FSTL4: variants seen among roughly 807,000 people sequenced by gnomAD.
FSTL4 encodes follistatin-related protein 4.
FSTL4 carries 28 observed loss-of-function variants against 78.2 expected under a neutral mutation model. That is an observed-to-expected ratio of 0.36 (90% CI 0.27 to 0.49). FSTL4 has a LOEUF of 0.49. FSTL4 is among the 20% of genes least tolerant of loss of function. FSTL4 has a pLI of 0.98. For missense variants in FSTL4, 922 were observed against 1,084.9 expected (o/e 0.85, Z 2.11); for synonymous variants, 422 against 440.5 (o/e 0.96, Z 0.53).
At chr5:133,519,570 C>G (rs575390486) in intron 3 of FSTL4, among the ~76,000 whole-genome samples, 4 of 152,210 alleles carry the variant, frequency 2.6e-5, no homozygotes, top group Non-Finnish European at 4.4e-5. Context: ...GATTTCAACA[C>G]GTCAGCCTTT....
At chr5:133,557,275 C>T (rs1759810169) in intron 3 of FSTL4, among the ~76,000 whole-genome samples, 1 of 152,228 alleles carries the variant, frequency 6.6e-6, no homozygotes, top group Admixed American at 6.5e-5. Context: ...GAGCACCTCC[C>T]CCCTGAAACG....
At chr5:133,405,676 T>G (rs751993645) in intron 3 of FSTL4, among the ~76,000 whole-genome samples, 11 of 152,220 alleles carry the variant, frequency 7.2e-5, no homozygotes, top group Admixed American at 1.3e-4. Context: ...TTAAGATAAC[T>G]TATACCCTCA....
the FSTL4 span, among the ~76,000 whole-genome samples, chr5:133,689,789 C>T: frequency 3.9e-5 from 6 of 152,302 alleles, no homozygotes; most frequent in African/African-American, 1.2e-4. Flanking sequence ...AGGCCAGGCA[C>T]GGTGGCTCAC....
chr5:133,669,529 G>A, the FSTL4 span, among the ~76,000 whole-genome samples: 3 of 152,106 alleles, frequency 2.0e-5, no homozygotes, highest in African/African-American at 7.3e-5. Flanking sequence ...GGGCTGAAGT[G>A]TGCCCTGCCC....
At chr5:133,470,866 A>G (rs31343) in intron 3 of FSTL4, among the ~76,000 whole-genome samples, 11,705 of 151,898 alleles carry the variant, frequency 0.077, 566 homozygotes, top group Non-Finnish European at 0.1. Context: ...CAGATGATAA[A>G]GCCAAGAGAA....
At chr5:133,527,472 T>TACAC (rs3065527) in intron 3 of FSTL4, among the ~76,000 whole-genome samples, 2,202 of 90,620 alleles carry the variant, frequency 0.024, 17 homozygotes, top group Admixed American at 0.027. Flanking sequence ...TGTGCACGTG[T>TACAC]ACACACACAC....
chr5:133,518,212 C>T (rs441430), intron 3 of FSTL4, among the ~76,000 whole-genome samples: 8,079 of 152,096 alleles, frequency 0.053, 289 homozygotes, highest in Non-Finnish European at 0.076. Flanking sequence ...AAAAGACAAA[C>T]GACAAATTGG....
At chr5:133,526,339 G>A (rs1258351071) in intron 3 of FSTL4, among the ~76,000 whole-genome samples, 1 of 152,142 alleles carries the variant, frequency 6.6e-6, no homozygotes, top group African/African-American at 2.4e-5. Context: ...GGGAAAGAAG[G>A]TGAACAGGAG....
At chr5:133,518,953 T>C (rs1432034350) in intron 3 of FSTL4, among the ~76,000 whole-genome samples, 1 of 152,264 alleles carries the variant, frequency 6.6e-6, no homozygotes, top group African/African-American at 2.4e-5. Context: ...AATCTTTGTA[T>C]GTGGTTAGTA....
the FSTL4 span, among the ~76,000 whole-genome samples, chr5:133,689,812 A>G: frequency 5.3e-5 from 8 of 152,188 alleles, no homozygotes; most frequent in African/African-American, 1.9e-4. Context: ...CTGTAATCCC[A>G]GCACTTTGGA....
the FSTL4 span, among the ~76,000 whole-genome samples, chr5:133,715,363 T>C: frequency 6.6e-6 from 1 of 152,236 alleles, no homozygotes; most frequent in Non-Finnish European, 1.5e-5. Flanking sequence ...AGTAGCTTCA[T>C]GTTGATGTCA....
chr5:133,617,846 C>T, the FSTL4 span, among the ~76,000 whole-genome samples: 2 of 152,092 alleles, frequency 1.3e-5, no homozygotes, highest in East Asian at 1.9e-4. Context: ...TAGATGAGGG[C>T]GTGGCATACG....
At chr5:133,606,453 G>T (rs58755594) in intron 1 of FSTL4, among the ~76,000 whole-genome samples, 35,865 of 152,094 alleles carry the variant, frequency 0.24, 4,459 homozygotes, top group Admixed American at 0.33. Flanking sequence ...AATAAACAAG[G>T]TAACTCCCTA....
At chr5:133,565,217 C>T (rs1760001164) in intron 3 of FSTL4, among the ~76,000 whole-genome samples, 1 of 152,176 alleles carries the variant, frequency 6.6e-6, no homozygotes, top group African/African-American at 2.4e-5. Flanking sequence ...CATTGCTAGA[C>T]AATATCTTAC....
At chr5:133,664,771 T>G in the FSTL4 span, among the ~76,000 whole-genome samples, 1 of 152,222 alleles carries the variant, frequency 6.6e-6, no homozygotes, top group African/African-American at 2.4e-5. Flanking sequence ...TTTATTTGCT[T>G]AGATGGATCA....
chr5:133,605,376 T>C (rs1226661801), intron 1 of FSTL4, among the ~76,000 whole-genome samples: 3 of 152,132 alleles, frequency 2.0e-5, no homozygotes, highest in African/African-American at 7.2e-5. Flanking sequence ...AGAACAGACA[T>C]CCAATTCAGA....
At chr5:133,760,144 T>C in the FSTL4 span, among the ~76,000 whole-genome samples, 1 of 152,162 alleles carries the variant, frequency 6.6e-6, no homozygotes, top group African/African-American at 2.4e-5. Context: ...CTGTCGTGAC[T>C]GTACCCCAAA....
chr5:133,319,994 C>T (rs117854509), intron 4 of FSTL4, among the ~76,000 whole-genome samples: 21 of 152,130 alleles, frequency 1.4e-4, no homozygotes, highest in Admixed American at 1.0e-3. Flanking sequence ...GATGATCACT[C>T]GAGATCCCAA....
chr5:133,531,258 G>T (rs1489822127), intron 3 of FSTL4, among the ~76,000 whole-genome samples: 1 of 152,172 alleles, frequency 6.6e-6, no homozygotes, highest in Non-Finnish European at 1.5e-5. Context: ...CTCTTTGGAA[G>T]AATGTGCTGA....
Sources: allele counts gnomAD v4.1 joint callset (sites outside exome capture counted in the v4.1 genomes callset), GRCh38; gene constraint gnomAD v4.1.1; transcripts MANE v1.5; gene names NCBI Gene and HGNC (gene_info 2026-07-23, HGNC 2026-07-21).